The following BTN3A3 variants were observed in gnomAD, a reference collection of about 807,000 sequenced individuals.
BTN3A3 encodes the protein butyrophilin 3.
BTN3A3 carries 39 observed loss-of-function variants against 43.2 expected under a neutral mutation model. The ratio of observed to expected loss-of-function variants is 0.90; its 90% CI spans 0.70 to 1.18. The LOEUF (loss-of-function observed/expected upper bound fraction) is 1.18. Among genes scored for constraint, BTN3A3 ranks in the 50% most tolerant of loss-of-function variants. The pLI, the probability that BTN3A3 is intolerant of heterozygous loss-of-function variation, is 0.00. For synonymous variants in BTN3A3, 255 were observed against 272.7 expected, an observed-to-expected ratio of 0.93 and a Z score of 0.64; for missense variants, 631 against 722.8, an observed-to-expected ratio of 0.87 and a Z score of 1.46.
At chr6:26,448,787 A>C (rs1162453698) in intron 8 of BTN3A3, 33 bp downstream of exon 8, 2 of 1,612,964 alleles carry the variant, frequency 1.2e-6, no homozygotes. Context: ...CTGAATTTGA[A>C]TCTTGAATCT....
Position 26,445,527 on chromosome 6 carries a change from C to T in BTN3A3, c.434-177C>T, listed in dbSNP as rs1762752124. ...GATGGGAATAGCCCCACATTACTGA[C>T]CCTGGGATACTGCACTAGCCCATTT... is the stretch of plus-strand genomic sequence containing the variant. On this transcript the variant is annotated intron_variant, in intron 4 of 10. Coordinates refer to ENST00000244519, the MANE Select transcript of BTN3A3 (RefSeq NM_006994.5). 3 of 732,608 alleles carry T rather than the reference C, an allele frequency of 4.1e-6. No homozygotes were observed. In the South Asian group the frequency reaches 5.7e-5, roughly 14 times the overall value. The allele number at this position is 732,608 out of a possible 1,614,324, so 45.4% of individuals were successfully genotyped here.
At position 26,452,740 on chromosome 6, in the gene BTN3A3, TTGGGAGATGTTCAGCCTTAG is replaced by T; in HGVS notation, c.*331_*350del. The T allele has an allele frequency of 3.9e-6, 1 of 254,010 alleles. No individual in the cohort carries two copies. Among genetic ancestry groups the T allele is most frequent in the Non-Finnish European group, 7.6e-6 (1 of 131,716 alleles). 15.7% of individuals were successfully genotyped at this position (254,010 alleles called of 1,614,324 possible). A position where few individuals can be genotyped will look rare whatever the true frequency, so the allele number is the denominator to read the frequency against. On this transcript the variant is annotated 3_prime_UTR_variant, in exon 11 of 11. Coordinates refer to ENST00000244519, the MANE Select transcript of BTN3A3 (RefSeq NM_006994.5). ...ATAACTCATACAGTAATTTGTGCAG[TTGGGAGATGTTCAGCCTTAG>T]TCCCTGGCTAATTGCCTGTTCTTTT... is the stretch of plus-strand genomic sequence containing the variant.
chr6:26,441,021 C>T lies in BTN3A3; in HGVS notation c.-67+373C>T, dbSNP rs542085921. 3.2e-4 allele frequency among the ~76,000 whole-genome samples: 48 copies of T among 152,284 alleles called. 1 individual carries two copies. Among genetic ancestry groups the T allele is most frequent in the African/African-American group, 1.0e-3 (42 of 41,554 alleles). The stretch of plus-strand genomic sequence containing the variant: ...AGTCGCTAAAATCTGTTTTGGCCAA[C>T]ACAAGCCATCTATTCTAAGAGATTC... On this transcript the variant is annotated intron_variant, in intron 1 of 10. Coordinates refer to ENST00000244519, the MANE Select transcript of BTN3A3 (RefSeq NM_006994.5).
chr6:26,442,311 C>A (rs1461407513), intron 1 of BTN3A3, among the ~76,000 whole-genome samples: 1 of 152,160 alleles, frequency 6.6e-6, no homozygotes, highest in African/African-American at 2.4e-5. Context: ...TTAAGTAATA[C>A]ATGAAAAATC....
Position 26,452,426 on chromosome 6 carries a change from T to C in BTN3A3, c.*15T>C, listed in dbSNP as rs779142531. Reference sequence around the variant, plus strand: ...CACTTTACTGATATTCATTCCATTATTCCATATGACAGTTGTTTTGAGTTT... The same window carrying C: ...CACTTTACTGATATTCATTCCATTACTCCATATGACAGTTGTTTTGAGTTT... On this transcript the variant is annotated 3_prime_UTR_variant, in exon 11 of 11. Transcript: ENST00000244519. 6.3e-7 allele frequency: 1 copy of C among 1,579,586 alleles called. No homozygotes were observed. Among genetic ancestry groups the C allele is most frequent in the Non-Finnish European group, 8.6e-7 (1 of 1,167,786 alleles).
intron 1 of BTN3A3, among the ~76,000 whole-genome samples, chr6:26,442,457 T>C (rs188434841): frequency 8.7e-4 from 132 of 152,370 alleles, no homozygotes; most frequent in Non-Finnish European, 9.4e-4. Flanking sequence ...TCTATAAATA[T>C]GCAGAAATGT....
intron 1 of BTN3A3, among the ~76,000 whole-genome samples, chr6:26,440,907 T>C (rs1475145313): frequency 6.6e-6 from 1 of 151,936 alleles, no homozygotes; most frequent in South Asian, 2.1e-4. Flanking sequence ...ATATTGGGAT[T>C]TGGTGGAAGG....
At chr6:26,445,560 T>C in intron 4 of BTN3A3, 144 bp from the exon 5 acceptor site, 1 of 1,100,390 alleles carries the variant, frequency 9.1e-7, no homozygotes, top group Admixed American at 2.7e-5. Context: ...TTTAGTTTTC[T>C]TTTCATCATG....
chr6:26,447,563 G>T (rs78298255), intron 5 of BTN3A3, among the ~76,000 whole-genome samples: 1 of 152,220 alleles, frequency 6.6e-6, no homozygotes, highest in Non-Finnish European at 1.5e-5. Context: ...GGTTTTCACC[G>T]TGTCGGCCAA....
chr6:26,441,741 A>AG (rs1180022472), intron 1 of BTN3A3, among the ~76,000 whole-genome samples: 1 of 152,162 alleles, frequency 6.6e-6, no homozygotes, highest in Non-Finnish European at 1.5e-5. Flanking sequence ...TATGTTACCC[A>AG]GGCTGTTTTA....
In BTN3A3 at chr6:26,445,833, C is replaced by T. The variant is rs749879449; in HGVS notation, c.563C>T (p.Pro188Leu). Residue 188 changes from proline (P) to leucine (L), a missense_variant, in exon 5 of 11, where the codon CCG becomes CTG. By Grantham distance (98) the Pro-to-Leu change is moderately conservative. Transcript: ENST00000244519. ...AGCGACACCAAGGGAGAGAACATCC[C>T]GGCTGTGGAAGCACCTGTGGTTGCA... is the stretch of plus-strand genomic sequence containing the variant. Reference protein sequence around the residue: ...KWSDTKGENIPAVEAPVVADG... With the variant: ...KWSDTKGENILAVEAPVVADG... 13 of 1,614,154 alleles carry T rather than the reference C, an allele frequency of 8.1e-6. No individual in the cohort carries two copies. The highest frequency in any genetic ancestry group is 3.3e-5 in the Admixed American group (2 of 60,028).
Position 26,451,851 on chromosome 6 carries a change from G to T in BTN3A3, c.1195G>T (p.Val399Leu), listed in dbSNP as rs775607871. Reference protein sequence around the residue: ...NFTSGRHYWEVEVGDRKEWHI... With the variant: ...NFTSGRHYWELEVGDRKEWHI... ...CACATCAGGGAGACATTACTGGGAG[G>T]TGGAAGTGGGGGACAGAAAAGAGTG... Residue 399 changes from valine (V) to leucine (L), a missense_variant, in exon 11 of 11, where the codon GTG (valine) becomes TTG (leucine). Transcript: ENST00000244519. The T allele has an allele frequency of 2.5e-6, 4 of 1,614,204 alleles. No homozygotes were observed. The highest frequency in any genetic ancestry group is 3.4e-6 in the Non-Finnish European group (4 of 1,180,022).
At chr6:26,445,666 G>T (rs1561861483) in intron 4 of BTN3A3, 38 bp from the exon 5 acceptor site, 2 of 1,596,122 alleles carry the variant, frequency 1.3e-6, no homozygotes, top group African/African-American at 2.7e-5. Flanking sequence ...CCTGATACAG[G>T]AGCTCTCAAG....
intron 1 of BTN3A3, among the ~76,000 whole-genome samples, chr6:26,442,784 C>T (rs562759118): frequency 3.6e-4 from 55 of 152,340 alleles, no homozygotes; most frequent in Middle Eastern, 3.4e-3. Flanking sequence ...CCCAATTGTG[C>T]ACATTCGAAA....
intron 5 of BTN3A3, 149 bp from the exon 6 acceptor site, chr6:26,448,099 C>A: frequency 1.1e-6 from 1 of 888,192 alleles, no homozygotes; most frequent in Non-Finnish European, 1.7e-6. Flanking sequence ...CTCTACAGTC[C>A]TCTGAGACTT....
Position 26,452,658 on chromosome 6 carries a change from G to T in BTN3A3, c.*247G>T. On this transcript the variant is annotated 3_prime_UTR_variant, in exon 11 of 11. Coordinates refer to ENST00000244519, the MANE Select transcript of BTN3A3 (RefSeq NM_006994.5). Reference sequence around the variant, plus strand: ...CCTTTAATCCTCACAACACCCTGTCGGGTAGTCATATTTTGCAAGTATGGA... The same window carrying T: ...CCTTTAATCCTCACAACACCCTGTCTGGTAGTCATATTTTGCAAGTATGGA... The T allele has an allele frequency of 2.3e-6, 1 of 440,946 alleles. No homozygotes were observed. Among genetic ancestry groups the T allele is most frequent in the Non-Finnish European group, 4.0e-6 (1 of 249,652 alleles). 27.3% of individuals were successfully genotyped at this position (440,946 alleles called of 1,614,324 possible). A position where few individuals can be genotyped will look rare whatever the true frequency, so the allele number is the denominator to read the frequency against.
chr6:26,443,983 G>C lies in BTN3A3; in HGVS notation c.112G>C (p.Gly38Arg), dbSNP rs778125312. Residue 38 changes from glycine to arginine, a missense_variant, in exon 4 of 11, where the codon GGG becomes CGG. Around this residue, in one of 2 missense-constraint regions of BTN3A3, gnomAD observed 80 missense variants for 138.7 expected, o/e 0.58. Coordinates refer to ENST00000244519, the MANE Select transcript of BTN3A3 (RefSeq NM_006994.5). ...SAQFSVLGPS[G>R]PILAMVGEDA... ...TCAGTTTTCTGTGCTTGGACCCTCT[G>C]GGCCCATCCTGGCCATGGTGGGTGA... is the stretch of plus-strand genomic sequence containing the variant. The C allele has an allele frequency of 6.2e-7, 1 of 1,613,736 alleles. No homozygotes were observed. Among genetic ancestry groups the C allele is most frequent in the Non-Finnish European group, 8.5e-7 (1 of 1,179,830 alleles).
At chr6:26,449,491 G>C (rs371588590) in intron 8 of BTN3A3, 171 bp from the exon 9 acceptor site, 4 of 703,522 alleles carry the variant, frequency 5.7e-6, no homozygotes, top group Non-Finnish European at 7.4e-6. Flanking sequence ...AATGTTCCCA[G>C]ACTTGATATT....
intron 5 of BTN3A3, among the ~76,000 whole-genome samples, chr6:26,447,309 C>T (rs989515503): frequency 6.6e-6 from 1 of 152,118 alleles, no homozygotes; most frequent in Admixed American, 6.6e-5. Context: ...TGTTATTTAA[C>T]TTACATTTTT....
Sources: allele counts gnomAD v4.1 joint callset (sites outside exome capture counted in the v4.1 genomes callset), GRCh38; gene constraint gnomAD v4.1.1; regional missense constraint gnomAD v4.1.1; transcripts MANE v1.5; gene names NCBI Gene and HGNC (gene_info 2026-07-23, HGNC 2026-07-21).